Variants in VWA5B1 observed in about 807,000 individuals in gnomAD.
The protein encoded by VWA5B1 is von Willebrand factor A domain-containing protein 5B1.
Under a neutral mutation model 118.2 loss-of-function variants are expected in VWA5B1, and 115 were observed. That is an observed-to-expected ratio of 0.97 (90% confidence interval 0.84 to 1.14). VWA5B1 has a LOEUF of 1.14. VWA5B1 is among the 50% of genes most tolerant of loss of function. The pLI is 0.00. For synonymous variants in VWA5B1, 682 were observed against 658.4 expected (o/e 1.04, Z -0.55); for missense variants, 1,596 against 1,603.8 (o/e 1.00, Z 0.08).
chr1:20,314,419 C>G lies in VWA5B1; in HGVS notation c.390C>G (p.Ala130=). 6.4e-7 allele frequency: 1 copy of G among 1,551,944 alleles called. No individual in the cohort carries two copies. Among genetic ancestry groups the G allele is most frequent in the Non-Finnish European group, 8.7e-7 (1 of 1,147,046 alleles). Residue 130 remains alanine (A), a synonymous_variant, in exon 4 of 22, where the codon GCC becomes GCG. Transcript: ENST00000289815. ...ATTTGGAGCGGATCCTGTTCGTGGC[C>G]AACCTGGGGACCATTGCCCCCATGG... ...DEDLERILFV[A]NLGTIAPMEN...
intron 12 of VWA5B1, among the ~76,000 whole-genome samples, chr1:20,334,154 C>G (rs886636585): frequency 4.6e-5 from 7 of 152,158 alleles, no homozygotes; most frequent in African/African-American, 1.7e-4. Flanking sequence ...GAAATTGGAA[C>G]TTTATGTGAA....
intron 1 of VWA5B1, among the ~76,000 whole-genome samples, chr1:20,303,947 C>T (rs1011417445): frequency 1.3e-5 from 2 of 152,208 alleles, no homozygotes; most frequent in Non-Finnish European, 2.9e-5. Flanking sequence ...TTCAGCTTGG[C>T]CACTTTCTGG....
At chr1:20,326,352 G>A (rs1462980495) in intron 8 of VWA5B1, among the ~76,000 whole-genome samples, 1 of 151,914 alleles carries the variant, frequency 6.6e-6, no homozygotes, top group East Asian at 1.9e-4. Context: ...AGATCCCTGG[G>A]GTACTATCAA....
intron 10 of VWA5B1, 62 bp downstream of exon 10, chr1:20,330,444 G>A (rs1194441887): frequency 1.3e-6 from 2 of 1,534,166 alleles, no homozygotes; most frequent in Admixed American, 3.9e-5. Context: ...GGGCGCCAGA[G>A]CCCAAGGGCA....
At chr1:20,348,820 G>A (rs1446434647) in intron 18 of VWA5B1, among the ~76,000 whole-genome samples, 1 of 152,232 alleles carries the variant, frequency 6.6e-6, no homozygotes, top group African/African-American at 2.4e-5. Context: ...TGGTTTCATT[G>A]TGCCTGCAGC....
Position 20,331,002 on chromosome 1 carries a change from G to C in VWA5B1, c.1572+19G>C. The C allele has an allele frequency of 6.5e-7, 1 of 1,529,168 alleles. No homozygotes were observed. Among genetic ancestry groups the C allele is most frequent in the East Asian group, 2.5e-5 (1 of 40,742 alleles). 94.7% of individuals were successfully genotyped at this position (1,529,168 alleles called of 1,614,324 possible). A position where few individuals can be genotyped will look rare whatever the true frequency, so the allele number is the denominator to read the frequency against. On this transcript the variant is annotated intron_variant, in intron 11 of 21. Coordinates refer to ENST00000289815, the MANE Select transcript of VWA5B1 (RefSeq NM_001039500.3). The stretch of plus-strand genomic sequence containing the variant: ...ACCCAAGGTAGGCAGCAGAACCCAC[G>C]CAGTCCCTTCTGGTGCTGGAACCTC...
At chr1:20,305,747 G>A (rs922452884) in intron 1 of VWA5B1, among the ~76,000 whole-genome samples, 2 of 151,966 alleles carry the variant, frequency 1.3e-5, no homozygotes, top group Admixed American at 6.5e-5. Flanking sequence ...GTTACAAGAC[G>A]GGTGGCACTT....
intron 5 of VWA5B1, 26 bp from the exon 6 acceptor site, chr1:20,318,564 C>A: frequency 1.9e-6 from 3 of 1,550,946 alleles, no homozygotes; most frequent in African/African-American, 1.4e-5. Flanking sequence ...GAGCCTATAT[C>A]CCCCTTGCCT....
rs1345705786 is a variant in VWA5B1, at chr1:20,354,256, A to G, written c.3641A>G (p.Tyr1214Cys). Residue 1214 changes from tyrosine (Y) to cysteine (C), a missense_variant, in exon 22 of 22, where the codon TAT becomes TGT. Transcript: ENST00000289815. ...EFNMLCYNPN[Y>C]V ...AATATGCTCTGCTATAACCCGAATT[A>G]TGTGTAGTTGAGTGACGGGGAGGCT... 7.0e-7 allele frequency: 1 copy of G among 1,427,060 alleles called. No homozygotes were observed. The highest frequency in any genetic ancestry group is 2.8e-5 in the East Asian group (1 of 35,310). The allele number at this position is 1,427,060 out of a possible 1,614,324, so 88.4% of individuals were successfully genotyped here. A position where few individuals can be genotyped will look rare whatever the true frequency, so the allele number is the denominator to read the frequency against.
intron 1 of VWA5B1, among the ~76,000 whole-genome samples, chr1:20,298,252 T>C (rs921218179): frequency 5.9e-5 from 9 of 151,562 alleles, no homozygotes; most frequent in Non-Finnish European, 7.4e-5. Flanking sequence ...AAGCAGTCCT[T>C]CCACTTCAGC....
chr1:20,292,852 G>A (rs779837166), intron 1 of VWA5B1, among the ~76,000 whole-genome samples: 12 of 152,044 alleles, frequency 7.9e-5, no homozygotes, highest in Non-Finnish European at 1.6e-4. Flanking sequence ...CACTGTGCCC[G>A]GGTGGGTGGC....
At chr1:20,313,093 C>T in intron 3 of VWA5B1, 105 bp downstream of exon 3, 7 of 1,411,548 alleles carry the variant, frequency 5.0e-6, no homozygotes, top group African/African-American at 1.4e-5. Flanking sequence ...GGATATGAGG[C>T]AGAAAGAGCA....
chr1:20,326,928 G>A (rs2089403891), intron 8 of VWA5B1, among the ~76,000 whole-genome samples: 1 of 152,092 alleles, frequency 6.6e-6, no homozygotes, highest in South Asian at 2.1e-4. Context: ...CCTAGCTGAG[G>A]CTCAGAGGGG....
In VWA5B1 at chr1:20,359,018, C is replaced by T. The variant is rs2090277127; in HGVS notation, c.*4755C>T. On this transcript the variant is annotated 3_prime_UTR_variant, in exon 22 of 22. Coordinates refer to ENST00000289815, the MANE Select transcript of VWA5B1 (RefSeq NM_001039500.3). ...TGACTTTAGCCTCTCAACAGCACTG[C>T]CTCCCCGGGTTACCCGATGAGGTGG... Among the ~76,000 whole-genome samples the T allele has an allele frequency of 6.6e-6, 1 of 152,202 alleles. No individual in the cohort carries two copies. The highest frequency in any genetic ancestry group is 1.5e-5 in the Non-Finnish European group (1 of 68,038).
intron 14 of VWA5B1, among the ~76,000 whole-genome samples, chr1:20,341,560 G>T (rs917832712): frequency 3.9e-5 from 6 of 152,204 alleles, no homozygotes; most frequent in Non-Finnish European, 8.8e-5. Flanking sequence ...GTGAGGCTGA[G>T]AATTTTTTCC....
Position 20,350,943 on chromosome 1 carries a change from A to G in VWA5B1, c.3023+17A>G. The G allele has an allele frequency of 6.4e-7, 1 of 1,550,946 alleles. No individual in the cohort carries two copies. The highest frequency in any genetic ancestry group is 1.2e-5 in the South Asian group (1 of 84,048). Reference sequence around the variant, plus strand: ...TGGATCCTGGTAGGTGGGATTTCCAATAAAGGTACACTCTCCTGCCACCCA... The same window carrying G: ...TGGATCCTGGTAGGTGGGATTTCCAGTAAAGGTACACTCTCCTGCCACCCA... On this transcript the variant is annotated intron_variant, in intron 20 of 21. Coordinates refer to ENST00000289815, the MANE Select transcript of VWA5B1 (RefSeq NM_001039500.3).
intron 7 of VWA5B1, among the ~76,000 whole-genome samples, chr1:20,320,450 G>A (rs1178648987): frequency 6.6e-6 from 1 of 152,224 alleles, no homozygotes; most frequent in Admixed American, 6.5e-5. Context: ...TGAGTCAGTT[G>A]GGATAAGAAG....
chr1:20,297,972 A>C (rs1347152501), intron 1 of VWA5B1, among the ~76,000 whole-genome samples: 1 of 135,548 alleles, frequency 7.4e-6, no homozygotes, highest in Non-Finnish European at 1.6e-5. Context: ...GCTCATTATG[A>C]TTACTTTCAT....
rs187918807 is a variant in VWA5B1 at position 20,356,415 on chromosome 1, G to T, written c.*2152G>T. 6.6e-6 allele frequency among the ~76,000 whole-genome samples: 1 copy of T among 152,252 alleles called. No homozygotes were observed. The highest frequency in any genetic ancestry group is 1.5e-5 in the Non-Finnish European group (1 of 68,026). On this transcript the variant is annotated 3_prime_UTR_variant, in exon 22 of 22. Transcript: ENST00000289815. ...CTCTGTGTGACCTTGAACAAGTGGC[G>T]TGTGTGTTCTGGGCCTCTTTCTTCC...
Sources: allele counts gnomAD v4.1 joint callset (sites outside exome capture counted in the v4.1 genomes callset), GRCh38; gene constraint gnomAD v4.1.1; transcripts MANE v1.5; gene names NCBI Gene and HGNC (gene_info 2026-07-23, HGNC 2026-07-21).